SNX24: variants seen among roughly 807,000 people sequenced by gnomAD.
SNX24 encodes the protein sorting nexin-24.
Under a neutral mutation model 28.7 loss-of-function variants are expected in SNX24, and 22 were observed. That is an observed-to-expected ratio of 0.77 (90% CI 0.55 to 1.10). The LOEUF (loss-of-function observed/expected upper bound fraction) is 1.10, where lower values mean the gene tolerates loss of function less well. Among genes scored for constraint, SNX24 ranks in the 50% least tolerant of loss-of-function variants. The pLI is 0.00. For missense variants in SNX24, 221 were observed against 201.1 expected, an observed-to-expected ratio of 1.10 and a Z score of -0.60; for synonymous variants, 69 against 71.5, an observed-to-expected ratio of 0.96 and a Z score of 0.18.
intron 3 of SNX24, among the ~76,000 whole-genome samples, chr5:122,988,604 A>G (rs966429714): frequency 1.1e-4 from 17 of 152,184 alleles, no homozygotes; most frequent in Admixed American, 6.5e-5. Flanking sequence ...CCTGTGGCTC[A>G]TTCTACAATG....
chr5:122,986,304 G>C (rs1761601808), intron 3 of SNX24, among the ~76,000 whole-genome samples: 1 of 152,188 alleles, frequency 6.6e-6, no homozygotes, highest in South Asian at 2.1e-4. Context: ...GTCTAGCCTG[G>C]AGATGTGAAT....
chr5:122,875,357 A>C (rs2150055458), intron 1 of SNX24, among the ~76,000 whole-genome samples: 1 of 152,370 alleles, frequency 6.6e-6, no homozygotes, highest in South Asian at 2.1e-4. Context: ...TTTCATGTTT[A>C]TGGGGAAAAT....
chr5:122,902,407 G>A (rs564582465), intron 1 of SNX24, among the ~76,000 whole-genome samples: 6 of 152,340 alleles, frequency 3.9e-5, no homozygotes, highest in Admixed American at 3.9e-4. Flanking sequence ...GGAAATGGAA[G>A]AGGACCAGGG....
chr5:122,970,736 G>A (rs246324), intron 3 of SNX24, among the ~76,000 whole-genome samples: 117,028 of 152,132 alleles, frequency 0.77, 45,889 homozygotes, highest in East Asian at 0.99. Context: ...CCAAAGTGCT[G>A]GAATTACAGG....
At chr5:122,854,072 C>G (rs1470485170) in intron 1 of SNX24, among the ~76,000 whole-genome samples, 1 of 151,846 alleles carries the variant, frequency 6.6e-6, no homozygotes, top group Non-Finnish European at 1.5e-5. Context: ...ATCTTCTGCT[C>G]TCATCGATTA....
chr5:122,885,390 C>T (rs1581704853), intron 1 of SNX24, among the ~76,000 whole-genome samples: 1 of 152,168 alleles, frequency 6.6e-6, no homozygotes, highest in African/African-American at 2.4e-5. Context: ...CTGTGTTCCA[C>T]GGTCTTCCAT....
chr5:122,950,654 A>G (rs1201087590), intron 3 of SNX24, among the ~76,000 whole-genome samples: 2 of 152,122 alleles, frequency 1.3e-5, no homozygotes, highest in Non-Finnish European at 2.9e-5. Context: ...TCCTGATCTC[A>G]TTGGCTTATA....
chr5:123,018,376 G>T (rs1451926531), intron 5 of SNX24, among the ~76,000 whole-genome samples: 1 of 152,088 alleles, frequency 6.6e-6, no homozygotes, highest in South Asian at 2.1e-4. Context: ...GACCAGGGAA[G>T]AAAAACGGTC....
chr5:122,965,435 C>T (rs1041021681), intron 3 of SNX24: 1 of 455,346 alleles, frequency 2.2e-6, no homozygotes, highest in Non-Finnish European at 4.4e-6. Context: ...GTTTTGTTCC[C>T]TCCCAAGAGA....
At chr5:122,892,309 A>T (rs1438124691) in intron 1 of SNX24, among the ~76,000 whole-genome samples, 27 of 152,258 alleles carry the variant, frequency 1.8e-4, no homozygotes, top group Admixed American at 1.8e-3. Context: ...TTTCACTCCC[A>T]AATTACATTT....
intron 3 of SNX24, among the ~76,000 whole-genome samples, chr5:122,999,336 A>G (rs545816804): frequency 6.6e-6 from 1 of 152,288 alleles, no homozygotes; most frequent in South Asian, 2.1e-4. Flanking sequence ...CCAAATGGCA[A>G]TAAATGTCAG....
chr5:123,003,304 C>A (rs1461919735), intron 6 of SNX24, among the ~76,000 whole-genome samples: 1 of 152,130 alleles, frequency 6.6e-6, no homozygotes, highest in Non-Finnish European at 1.5e-5. Context: ...ACCTCATATT[C>A]TTTTTCCTAT....
Position 122,965,369 on chromosome 5 carries a change from C to A in SNX24, c.249+19210C>A, listed in dbSNP as rs1011229048. The A allele has an allele frequency of 1.4e-5, 6 of 436,356 alleles. No homozygotes were observed. The East Asian group carries it at 4.2e-4, about 31-fold the overall frequency. 27.0% of individuals were successfully genotyped at this position (436,356 alleles called of 1,614,324 possible). ...CTGGCTGCCACAGGTACCTGGATAG[C>A]CTGAGTTTAAAGAGTCAGGGACTTC... On this transcript the variant is annotated intron_variant, in intron 3 of 6. Transcript: ENST00000261369.
intron 3 of SNX24, among the ~76,000 whole-genome samples, chr5:122,975,109 C>G (rs1447130009): frequency 1.3e-5 from 2 of 152,214 alleles, no homozygotes; most frequent in Non-Finnish European, 2.9e-5. Flanking sequence ...GTGTGCTATT[C>G]TTAAACCTTA....
intron 1 of SNX24, among the ~76,000 whole-genome samples, chr5:122,857,253 C>A (rs193286270): frequency 6.6e-6 from 1 of 152,066 alleles, no homozygotes; most frequent in Non-Finnish European, 1.5e-5. Flanking sequence ...CTCAGGTGAT[C>A]TGCCTGCCTC....
At chr5:123,021,785 T>G (rs892817968) in intron 5 of SNX24, among the ~76,000 whole-genome samples, 1 of 152,126 alleles carries the variant, frequency 6.6e-6, no homozygotes, top group Middle Eastern at 3.2e-3. Flanking sequence ...ACCGCGCCCC[T>G]ATCCCGCTCC....
chr5:122,994,238 C>T (rs1452612487), intron 3 of SNX24, among the ~76,000 whole-genome samples: 1 of 152,114 alleles, frequency 6.6e-6, no homozygotes, highest in East Asian at 1.9e-4. Flanking sequence ...TGCCAGCGTT[C>T]GATTTCACTG....
rs188795502 is a variant in SNX24, at chr5:123,014,307, C to T, written n.383+12303C>T. Reference sequence around the variant, plus strand: ...TCAGCGTACCAAGTAGCTGGGACTACAGGCACACGCCACTGTGCCCAGCTG... The same window carrying T: ...TCAGCGTACCAAGTAGCTGGGACTATAGGCACACGCCACTGTGCCCAGCTG... On this transcript the variant is annotated intron_variant and non_coding_transcript_variant, in intron 5 of 5. Coordinates refer to the SNX24 transcript ENST00000502387. Among the ~76,000 whole-genome samples the T allele has an allele frequency of 2.0e-4, 29 of 147,660 alleles. No homozygotes were observed. In the East Asian group the frequency reaches 3.4e-3, roughly 17 times the overall value.
At chr5:122,940,012 CAG>C (rs1211008491) in intron 2 of SNX24, among the ~76,000 whole-genome samples, 54 of 148,870 alleles carry the variant, frequency 3.6e-4, no homozygotes, top group Admixed American at 1.1e-3. Context: ...TTTTTTGAGA[CAG>C]AGTCTCGCTC....
Sources: gnomAD v4.1 joint callset for allele counts (sites outside exome capture counted in the v4.1 genomes callset) on GRCh38, gnomAD v4.1.1 for gene constraint, MANE v1.5 for transcripts, NCBI Gene and HGNC (gene_info 2026-07-23, HGNC 2026-07-21) for gene names.